The following ANO6 variants were observed in gnomAD, a reference collection of about 807,000 sequenced individuals.
ANO6 encodes the protein anoctamin 6.
In ANO6, 106 loss-of-function variants were observed where a neutral mutation model predicts 117.5. The ratio of observed to expected loss-of-function variants is 0.90; its 90% CI spans 0.77 to 1.06. The LOEUF is 1.06. Among genes scored for constraint, ANO6 ranks in the 50% least tolerant of loss-of-function variants. ANO6 has a pLI of 0.00. For missense variants in ANO6, 955 were observed against 1,121.1 expected (o/e 0.85, Z 2.12); for synonymous variants, 367 against 385.1 (o/e 0.95, Z 0.55).
chr12:45,378,079 A>T lies in ANO6; in HGVS notation c.1131A>T (p.Gly377=), dbSNP rs1565733245. The T allele has an allele frequency of 6.2e-7, 1 of 1,612,530 alleles. No individual in the cohort carries two copies. The highest frequency in any genetic ancestry group is 1.7e-5 in the Admixed American group (1 of 59,902). The change falls in exon 10 of 20, where the codon GGA becomes GGT. Residue 377 remains glycine, a synonymous_variant. Transcript: ENST00000320560. ...SKKLCIFDSF[G]TLVFAVFMGV... Reference sequence around the variant, plus strand: ...AATTGTGCATCTTCGACAGTTTTGGAACCCTGGTCTTTGCAGTATTTATGG... The same window carrying T: ...AATTGTGCATCTTCGACAGTTTTGGTACCCTGGTCTTTGCAGTATTTATGG...
At chr12:45,267,539 C>T (rs150477638) in intron 1 of ANO6, among the ~76,000 whole-genome samples, 22 of 152,260 alleles carry the variant, frequency 1.4e-4, no homozygotes, top group Non-Finnish European at 2.9e-4. Flanking sequence ...CCTATAATCC[C>T]AGCACTTTGG....
chr12:45,360,216 G>A (rs1941519542), intron 8 of ANO6, among the ~76,000 whole-genome samples: 1 of 152,172 alleles, frequency 6.6e-6, no homozygotes, highest in African/African-American at 2.4e-5. Context: ...CCACAGACCA[G>A]GTAATTTGTA....
At chr12:45,221,215 A>G (rs1947393973) in intron 1 of ANO6, among the ~76,000 whole-genome samples, 1 of 152,262 alleles carries the variant, frequency 6.6e-6, no homozygotes, top group Non-Finnish European at 1.5e-5. Context: ...CTCTTCCCAC[A>G]TCTGGTGATA....
At chr12:45,390,365 A>G in intron 11 of ANO6, 56 bp from the exon 12 acceptor site, 1 of 1,368,328 alleles carries the variant, frequency 7.3e-7, no homozygotes. Context: ...CAGGAGAAAA[A>G]TAATTTTATT....
Position 45,431,561 on chromosome 12 carries a change from G to A in ANO6, c.*2250G>A. 6 of 985,416 alleles carry A rather than the reference G, an allele frequency of 6.1e-6. No homozygotes were observed. The highest frequency in any genetic ancestry group is 7.2e-6 in the Non-Finnish European group (6 of 829,932). 61.0% of individuals were successfully genotyped at this position (985,416 alleles called of 1,614,324 possible). Reference sequence around the variant, plus strand: ...AAAAAAAACCCTCTACATATTGAAAGGCACCAAATGTAATATCTGACACTG... The same window carrying A: ...AAAAAAAACCCTCTACATATTGAAAAGCACCAAATGTAATATCTGACACTG... On this transcript the variant is annotated 3_prime_UTR_variant, in exon 20 of 20. Coordinates refer to ENST00000320560, the MANE Select transcript of ANO6 (RefSeq NM_001025356.3).
rs1939145084 is a variant in ANO6 at position 45,292,781 on chromosome 12, T to A, written c.71-9233T>A. ...TGTTACAAGGTGGAGAAATTGTGCTTACTGAAACTCTTCTCAGAAATATTG... is the reference window on the plus strand; with the variant it reads ...TGTTACAAGGTGGAGAAATTGTGCTAACTGAAACTCTTCTCAGAAATATTG... On this transcript the variant is annotated intron_variant, in intron 1 of 19. Coordinates refer to ENST00000320560, the MANE Select transcript of ANO6 (RefSeq NM_001025356.3). The A allele has an allele frequency of 4.8e-6, 7 of 1,466,888 alleles. No homozygotes were observed. The South Asian group carries it at 1.0e-4, about 21-fold the overall frequency. 90.9% of individuals were successfully genotyped at this position (1,466,888 alleles called of 1,614,324 possible).
At chr12:45,272,555 G>T (rs1457703703) in intron 1 of ANO6, among the ~76,000 whole-genome samples, 2 of 152,166 alleles carry the variant, frequency 1.3e-5, no homozygotes, top group African/African-American at 4.8e-5. Flanking sequence ...GAATTCTCCA[G>T]AAGAGACATT....
Position 45,403,069 on chromosome 12 carries a change from C to T in ANO6, c.1613-3C>T, listed in dbSNP as rs369808114. The T allele has an allele frequency of 6.9e-5, 112 of 1,613,530 alleles. No homozygotes were observed. In the African/African-American group the frequency reaches 1.1e-3, roughly 15 times the overall value. On this transcript the variant is annotated splice_polypyrimidine_tract_variant and splice_region_variant and intron_variant, in intron 13 of 19. Transcript: ENST00000320560. Reference sequence around the variant, plus strand: ...ATCTTATTTCTCTTTCTTTTAACTACAGAACTCCCAAGGACCCAGACTGAT... The same window carrying T: ...ATCTTATTTCTCTTTCTTTTAACTATAGAACTCCCAAGGACCCAGACTGAT...
chr12:45,405,707 C>G (rs762203900), intron 15 of ANO6, among the ~76,000 whole-genome samples: 2 of 152,096 alleles, frequency 1.3e-5, no homozygotes, highest in Non-Finnish European at 2.9e-5. Flanking sequence ...GTCGGGAGTT[C>G]GAGACCAGCC....
intron 1 of ANO6, among the ~76,000 whole-genome samples, chr12:45,217,806 T>C (rs1947339039): frequency 6.6e-6 from 1 of 152,254 alleles, no homozygotes; most frequent in African/African-American, 2.4e-5. Flanking sequence ...TTTAAAAAGT[T>C]ACAATAAAAT....
At chr12:45,417,484 T>C (rs904204564) in intron 17 of ANO6, among the ~76,000 whole-genome samples, 3 of 152,138 alleles carry the variant, frequency 2.0e-5, no homozygotes, top group Non-Finnish European at 2.9e-5. Flanking sequence ...CATGCTTTGG[T>C]CATTGGCTGA....
chr12:45,331,939 G>A (rs1447298078), intron 3 of ANO6, among the ~76,000 whole-genome samples: 1 of 152,028 alleles, frequency 6.6e-6, no homozygotes, highest in African/African-American at 2.4e-5. Context: ...TCTAGCAAGT[G>A]GTGAAGCCAT....
chr12:45,398,338 A>C (rs557883159), intron 12 of ANO6, among the ~76,000 whole-genome samples: 1 of 152,344 alleles, frequency 6.6e-6, no homozygotes, highest in Admixed American at 6.5e-5. Flanking sequence ...TTAAAGTGAG[A>C]TATGATTTTT....
chr12:45,373,160 A>G (rs1159767730), intron 9 of ANO6, among the ~76,000 whole-genome samples: 2 of 152,206 alleles, frequency 1.3e-5, no homozygotes, highest in African/African-American at 4.8e-5. Flanking sequence ...AAGAAGAGCT[A>G]ACTATCCTAA....
intron 19 of ANO6, among the ~76,000 whole-genome samples, chr12:45,425,970 A>G (rs1943490528): frequency 6.6e-6 from 1 of 152,184 alleles, no homozygotes; most frequent in African/African-American, 2.4e-5. Context: ...ACTTTAAGAC[A>G]ACAACTTCTA....
chr12:45,365,351 C>T (rs1941657386), intron 8 of ANO6, among the ~76,000 whole-genome samples: 1 of 152,154 alleles, frequency 6.6e-6, no homozygotes, highest in South Asian at 2.1e-4. Context: ...TTTTTAGAGC[C>T]CCCTGTGCAC....
At chr12:45,284,878 T>C (rs2137263046) in intron 1 of ANO6, among the ~76,000 whole-genome samples, 2 of 152,310 alleles carry the variant, frequency 1.3e-5, no homozygotes, top group East Asian at 3.9e-4. Context: ...ATTTAAGACA[T>C]TTAATCCTGG....
downstream of ANO6, among the ~76,000 whole-genome samples, chr12:45,435,902 A>C (rs1469996637): frequency 6.6e-6 from 1 of 152,190 alleles, no homozygotes; most frequent in African/African-American, 2.4e-5. Flanking sequence ...TGAATATACA[A>C]ATGGACAATG....
chr12:45,408,590 C>T (rs1016525752), intron 15 of ANO6, among the ~76,000 whole-genome samples: 27 of 152,236 alleles, frequency 1.8e-4, no homozygotes, highest in Admixed American at 1.6e-3. Context: ...CTGGAGGAGG[C>T]GTTTCACTCC....
Sources: gnomAD v4.1 joint callset for allele counts (sites outside exome capture counted in the v4.1 genomes callset) on GRCh38, gnomAD v4.1.1 for gene constraint, MANE v1.5 for transcripts, NCBI Gene and HGNC (gene_info 2026-07-23, HGNC 2026-07-21) for gene names.